The following HDAC4 variants were observed in gnomAD, a reference collection of about 807,000 sequenced individuals.
The protein encoded by HDAC4 is histone deacetylase 4, also known as histone deacetylase A.
A neutral mutation model predicts 135.1 loss-of-function variants in HDAC4; 16 were observed. The observed-to-expected ratio is 0.12, with a 90% CI of 0.08 to 0.18. The LOEUF (loss-of-function observed/expected upper bound fraction) is 0.18, where lower values mean the gene tolerates loss of function less well. Ranked by LOEUF, HDAC4 falls within the 10% of genes least tolerant of loss-of-function variation. The pLI, the probability that HDAC4 is intolerant of heterozygous loss-of-function variation, is 1.00. For missense variants in HDAC4, 1,143 were observed against 1,511.8 expected (o/e 0.76, Z 4.05); for synonymous variants, 685 against 653.4 (o/e 1.05, Z -0.74).
At chr2:239,210,797 T>G (rs2046321526) in intron 3 of HDAC4, among the ~76,000 whole-genome samples, 1 of 152,230 alleles carries the variant, frequency 6.6e-6, no homozygotes, top group Non-Finnish European at 1.5e-5. Context: ...TACAATGACC[T>G]GCTTGGGATC....
At chr2:239,094,806 A>T (rs975425229) in intron 17 of HDAC4, 9 of 1,446,886 alleles carry the variant, frequency 6.2e-6, no homozygotes, top group Admixed American at 2.3e-5. Flanking sequence ...GCGCCAGACA[A>T]CCTTCCCCAG....
intron 12 of HDAC4, among the ~76,000 whole-genome samples, chr2:239,119,387 G>A (rs2039427132): frequency 6.6e-6 from 1 of 152,182 alleles, no homozygotes; most frequent in African/African-American, 2.4e-5. Context: ...GGAGGCTGCA[G>A]GTGTGGAAGG....
intron 3 of HDAC4, among the ~76,000 whole-genome samples, chr2:239,197,010 A>C (rs2045432487): frequency 6.6e-6 from 1 of 151,512 alleles, no homozygotes. Flanking sequence ...GACGGGTCCA[A>C]CTCCTCCAGG....
intron 18 of HDAC4, among the ~76,000 whole-genome samples, chr2:239,088,711 C>G (rs1012965614): frequency 6.6e-6 from 1 of 152,170 alleles, no homozygotes; most frequent in Non-Finnish European, 1.5e-5. Context: ...CCCTCAAACA[C>G]GTCCTTTTAA....
intron 23 of HDAC4, among the ~76,000 whole-genome samples, chr2:239,067,311 A>G (rs1166846794): frequency 1.3e-5 from 2 of 152,194 alleles, no homozygotes; most frequent in Non-Finnish European, 2.9e-5. Flanking sequence ...GCTTTGATCA[A>G]GAGCCACAGT....
chr2:239,377,708 A>G (rs950550449), intron 1 of HDAC4, among the ~76,000 whole-genome samples: 1 of 152,200 alleles, frequency 6.6e-6, no homozygotes, highest in Non-Finnish European at 1.5e-5. Flanking sequence ...GGCTGGGACC[A>G]GTATTATGTG....
chr2:239,125,884 G>C (rs901417135), intron 12 of HDAC4, among the ~76,000 whole-genome samples: 1 of 152,216 alleles, frequency 6.6e-6, no homozygotes, highest in Non-Finnish European at 1.5e-5. Context: ...GTGTCCCTTC[G>C]ACTTCCTGCT....
intron 17 of HDAC4, 65 bp from the exon 18 acceptor site, chr2:239,090,181 G>C: frequency 8.3e-7 from 1 of 1,199,080 alleles, no homozygotes. Flanking sequence ...AGCCCTGGCT[G>C]GGCAGAGCAG....
In HDAC4 at chr2:239,167,901, A is replaced by G. The variant is rs1446063562; in HGVS notation, c.491-3978T>C. Among the ~76,000 whole-genome samples, 1 of 145,010 alleles carries G rather than the reference A, an allele frequency of 6.9e-6. No homozygotes were observed. The highest frequency in any genetic ancestry group is 2.5e-5 in the African/African-American group (1 of 39,876). ...CAGAGAGTGCACCCGAGACCTAAGG[A>G]ATGAGCGAGCAACAGCTGAGCGGGG... On this transcript the variant is annotated intron_variant, in intron 5 of 26. Coordinates refer to ENST00000543185, the MANE Select transcript of HDAC4 (RefSeq NM_001378414.1). The surrounding 1 kb of genome is among the most constrained non-coding windows in gnomAD (Gnocchi z 4.1).
intron 2 of HDAC4, among the ~76,000 whole-genome samples, chr2:239,336,708 T>C (rs1402624453): frequency 2.0e-5 from 3 of 152,222 alleles, no homozygotes; most frequent in African/African-American, 7.2e-5. Flanking sequence ...ACCCTACCAA[T>C]ACCACCTGCA....
chr2:239,217,192 A>G lies in HDAC4; in HGVS notation c.94+19401T>C, dbSNP rs563046953. 2.0e-5 allele frequency among the ~76,000 whole-genome samples: 3 copies of G among 152,298 alleles called. No individual in the cohort carries two copies. In the East Asian group the frequency reaches 5.8e-4, roughly 30 times the overall value. ...AGAGCCTGAACACAGCACAGGCGGT[A>G]GCAGGGTCTCCAGGAGCCGGCAGCA... On this transcript the variant is annotated intron_variant, in intron 3 of 26. Transcript: ENST00000543185.
intron 3 of HDAC4, among the ~76,000 whole-genome samples, chr2:239,227,853 C>T (rs762282245): frequency 6.6e-6 from 1 of 152,200 alleles, no homozygotes; most frequent in South Asian, 2.1e-4. Context: ...GACTGCAGGT[C>T]CAGCAGCTGC....
At chr2:239,348,859 T>C (rs1692910234) in intron 2 of HDAC4, among the ~76,000 whole-genome samples, 1 of 152,210 alleles carries the variant, frequency 6.6e-6, no homozygotes, top group Admixed American at 6.5e-5. Context: ...GTTAAGCAGC[T>C]TTGACGTCAG....
At chr2:239,189,340 T>C (rs993958397) in intron 4 of HDAC4, among the ~76,000 whole-genome samples, 4 of 152,188 alleles carry the variant, frequency 2.6e-5, no homozygotes, top group Non-Finnish European at 5.9e-5. Context: ...TTGTAGACAG[T>C]AAGTACCAAA....
At position 239,139,818 on chromosome 2, in the gene HDAC4, G is replaced by C. The variant is rs766666723; in HGVS notation, c.866-22C>G. 6.4e-7 allele frequency: 1 copy of C among 1,564,474 alleles called. No individual in the cohort carries two copies. Among genetic ancestry groups the C allele is most frequent in the South Asian group, 1.1e-5 (1 of 90,758 alleles). The stretch of plus-strand genomic sequence containing the variant: ...GAGTCTGCGGAGGCAGAAATACCCT[G>C]GTGAGTGTTACTCCATGCGGAGGGA... On this transcript the variant is annotated intron_variant, in intron 8 of 26. Coordinates refer to ENST00000543185, the MANE Select transcript of HDAC4 (RefSeq NM_001378414.1). The surrounding 1 kb of genome is among the most constrained non-coding windows in gnomAD (Gnocchi z 5.3).
intron 2 of HDAC4, among the ~76,000 whole-genome samples, chr2:239,328,115 C>T (rs992538560): frequency 4.6e-5 from 7 of 152,202 alleles, no homozygotes; most frequent in African/African-American, 1.7e-4. Context: ...ATAGCAGGGG[C>T]TCAATCAATA....
intron 1 of HDAC4, among the ~76,000 whole-genome samples, chr2:239,375,020 T>C (rs1575772231): frequency 6.6e-6 from 1 of 151,956 alleles, no homozygotes; most frequent in African/African-American, 2.4e-5. Flanking sequence ...GACGGGTGGG[T>C]GTGAGCTAGA....
At chr2:239,247,682 G>C (rs1205825688) in intron 2 of HDAC4, among the ~76,000 whole-genome samples, 1 of 152,258 alleles carries the variant, frequency 6.6e-6, no homozygotes, top group Non-Finnish European at 1.5e-5. Context: ...GTGGCAGGAA[G>C]CTGGAAAATA....
At chr2:239,130,211 G>T (rs1349037913) in intron 11 of HDAC4, among the ~76,000 whole-genome samples, 1 of 152,230 alleles carries the variant, frequency 6.6e-6, no homozygotes, top group East Asian at 1.9e-4. Context: ...ATCAGCATCT[G>T]TTTGAGCTTC....
Sources: gnomAD v4.1 joint callset for allele counts (sites outside exome capture counted in the v4.1 genomes callset) on GRCh38, gnomAD v4.1.1 for gene constraint, Gnocchi (gnomAD v3.1) non-coding constraint, MANE v1.5 for transcripts, NCBI Gene and HGNC (gene_info 2026-07-23, HGNC 2026-07-21) for gene names.